MFSD1: variants seen among roughly 807,000 people sequenced by gnomAD.
MFSD1 encodes the protein major facilitator superfamily domain containing 1.
Under a neutral mutation model 67.1 loss-of-function variants are expected in MFSD1, and 59 were observed. That is an observed-to-expected ratio of 0.88 (90% confidence interval 0.71 to 1.09). The LOEUF (loss-of-function observed/expected upper bound fraction) is 1.09, where lower values mean the gene tolerates loss of function less well. Ranked by LOEUF, MFSD1 falls within the 50% of genes least tolerant of loss-of-function variation. MFSD1 has a pLI of 0.00. For missense variants in MFSD1, 552 were observed against 566.1 expected, an observed-to-expected ratio of 0.97 and a Z score of 0.25; for synonymous variants, 213 against 200.3, an observed-to-expected ratio of 1.06 and a Z score of -0.54.
chr3:158,813,658 T>C (rs1032403975), intron 6 of MFSD1, among the ~76,000 whole-genome samples: 1 of 152,208 alleles, frequency 6.6e-6, no homozygotes, highest in Non-Finnish European at 1.5e-5. Context: ...ATTTTTGTCT[T>C]AGATACTCTA....
chr3:158,820,067 G>T, intron 8 of MFSD1, 148 bp from the exon 9 acceptor site: 1 of 567,294 alleles, frequency 1.8e-6, no homozygotes, highest in African/African-American at 1.9e-5. Context: ...TCCCAGAAAT[G>T]ATGTTTGTGT....
chr3:158,822,644 A>G (rs971230437), intron 11 of MFSD1: 1 of 153,614 alleles, frequency 6.5e-6, no homozygotes, highest in African/African-American at 2.4e-5. Context: ...TAATAAAGGA[A>G]TATCTGGAAC....
chr3:158,813,589 G>C (rs1730150982), intron 6 of MFSD1, among the ~76,000 whole-genome samples: 1 of 152,178 alleles, frequency 6.6e-6, no homozygotes, highest in Non-Finnish European at 1.5e-5. Flanking sequence ...TTCAGAGGAA[G>C]ATGTTTTTCC....
At chr3:158,816,617 G>T (rs1730362602) in intron 7 of MFSD1, among the ~76,000 whole-genome samples, 1 of 150,394 alleles carries the variant, frequency 6.6e-6, no homozygotes, top group Non-Finnish European at 1.5e-5. Context: ...TCACTCTGAT[G>T]GTAGTTTCTT....
chr3:158,824,247 C>A lies in MFSD1; in HGVS notation c.1288+11C>A. ...TTGCCTGTGTTTCTTGTGAGTATTC[C>A]GTATGACAACATTTTGTTTCTTTTA... is the stretch of plus-strand genomic sequence containing the variant. On this transcript the variant is annotated intron_variant, in intron 13 of 15. Transcript: ENST00000415822. The A allele has an allele frequency of 6.5e-7, 1 of 1,542,424 alleles. No homozygotes were observed. Among genetic ancestry groups the A allele is most frequent in the Non-Finnish European group, 8.9e-7 (1 of 1,121,730 alleles).
intron 11 of MFSD1, chr3:158,823,138 T>C (rs1559923812): frequency 1.0e-5 from 3 of 301,182 alleles, no homozygotes; most frequent in Admixed American, 8.5e-5. Context: ...ATTACCTTTA[T>C]TTTCTTACTT....
chr3:158,828,125 G>T (rs1731108575), intron 15 of MFSD1, among the ~76,000 whole-genome samples: 1 of 152,156 alleles, frequency 6.6e-6, no homozygotes, highest in Non-Finnish European at 1.5e-5. Flanking sequence ...GTACCAATAT[G>T]TGGTTCTGTG....
At chr3:158,810,318 AT>A (rs1449582395) in intron 6 of MFSD1, among the ~76,000 whole-genome samples, 5 of 151,884 alleles carry the variant, frequency 3.3e-5, no homozygotes, top group African/African-American at 1.2e-4. Flanking sequence ...TTAAAAAAAA[AT>A]TTTTTTTGCC....
In MFSD1 at chr3:158,807,036, A is replaced by G. The variant is rs1273335587; in HGVS notation, c.330-4A>G. ...CTCATTCTCATTCTTTCTTTCCCAA[A>G]CAGATGGGGCACAATCATTTTTAGC... On this transcript the variant is annotated splice_region_variant and splice_polypyrimidine_tract_variant and intron_variant, in intron 3 of 15. Coordinates refer to ENST00000415822, the MANE Select transcript of MFSD1 (RefSeq NM_022736.4). 1.9e-6 allele frequency: 3 copies of G among 1,608,210 alleles called. No homozygotes were observed. The Admixed American group carries it at 5.1e-5, about 27-fold the overall frequency.
intron 7 of MFSD1, among the ~76,000 whole-genome samples, chr3:158,818,684 T>G (rs747459021): frequency 3.3e-5 from 5 of 152,156 alleles, no homozygotes; most frequent in Admixed American, 6.5e-5. Context: ...GACAGTGGAG[T>G]GGTAATCCTA....
At chr3:158,817,364 C>CA (rs1730421667) in intron 7 of MFSD1, among the ~76,000 whole-genome samples, 1 of 152,060 alleles carries the variant, frequency 6.6e-6, no homozygotes, top group African/African-American at 2.4e-5. Context: ...TGTCTCAGCC[C>CA]AAAATCTCCT....
Position 158,814,022 on chromosome 3 carries a change from T to C in MFSD1, c.607T>C (p.Leu203=). The change falls in exon 7 of 16, where the codon TTA becomes CTA. Residue 203 remains leucine, a synonymous_variant. Coordinates refer to ENST00000415822, the MANE Select transcript of MFSD1 (RefSeq NM_022736.4). ...GCTGTATTCTAAGATTGAAGCTTTGTTAGGTTCTGCTGGTCACACAACCCT... is the reference window on the plus strand; with the variant it reads ...GCTGTATTCTAAGATTGAAGCTTTGCTAGGTTCTGCTGGTCACACAACCCT... ...GWLYSKIEAL[L]GSAGHTTLGI... is the part of the protein sequence containing the mutation. 1 of 1,614,008 alleles carries C rather than the reference T, an allele frequency of 6.2e-7. No individual in the cohort carries two copies. The highest frequency in any genetic ancestry group is 8.5e-7 in the Non-Finnish European group (1 of 1,179,928).
At chr3:158,806,824 C>T (rs1310574627) in intron 3 of MFSD1, among the ~76,000 whole-genome samples, 1 of 152,054 alleles carries the variant, frequency 6.6e-6, no homozygotes, top group African/African-American at 2.4e-5. Flanking sequence ...GAAGTCTAGA[C>T]TTCTGTAGAT....
In MFSD1 at chr3:158,804,464, G is replaced by A. The variant is rs991472607; in HGVS notation, c.216+93G>A. 20 of 920,214 alleles carry A rather than the reference G, an allele frequency of 2.2e-5. 1 individual carries two copies. Among genetic ancestry groups the A allele is most frequent in the South Asian group, 1.7e-4 (11 of 64,628 alleles). The allele number at this position is 920,214 out of a possible 1,614,324, so 57.0% of individuals were successfully genotyped here. On this transcript the variant is annotated intron_variant, in intron 2 of 15. Coordinates refer to ENST00000415822, the MANE Select transcript of MFSD1 (RefSeq NM_022736.4). ...CAACCCTCAGGTGCCCTAGTCTCAC[G>A]TGTCCGCTGAATCTATTTTGACATC...
chr3:158,825,003 G>T (rs1730889924), intron 13 of MFSD1, among the ~76,000 whole-genome samples: 1 of 152,122 alleles, frequency 6.6e-6, no homozygotes, highest in Non-Finnish European at 1.5e-5. Flanking sequence ...AAAAAAGTGG[G>T]TCATATAAGA....
chr3:158,803,232 A>T (rs1729547933), intron 1 of MFSD1, among the ~76,000 whole-genome samples: 1 of 152,162 alleles, frequency 6.6e-6, no homozygotes, highest in African/African-American at 2.4e-5. Flanking sequence ...GTTTTTCAGG[A>T]GGCTAGCTGG....
chr3:158,823,625 T>G, intron 12 of MFSD1, 100 bp downstream of exon 12: 1 of 912,316 alleles, frequency 1.1e-6, no homozygotes, highest in South Asian at 1.3e-5. Context: ...ATCCAGCCTC[T>G]GGGGTAGCGC....
At chr3:158,804,294 T>A in intron 1 of MFSD1, 25 bp from the exon 2 acceptor site, 1 of 1,572,504 alleles carries the variant, frequency 6.4e-7, no homozygotes, top group Non-Finnish European at 8.7e-7. Context: ...GTATTATTAC[T>A]TATAAAGTAT....
intron 4 of MFSD1, 144 bp from the exon 5 acceptor site, chr3:158,807,252 A>G: frequency 1.1e-6 from 1 of 918,722 alleles, no homozygotes; most frequent in Non-Finnish European, 1.7e-6. Context: ...AAATAAATGA[A>G]CATTAATATT....
Sources: gnomAD v4.1 joint callset for allele counts (sites outside exome capture counted in the v4.1 genomes callset) on GRCh38, gnomAD v4.1.1 for gene constraint, MANE v1.5 for transcripts, NCBI Gene and HGNC (gene_info 2026-07-23, HGNC 2026-07-21) for gene names.